The following RNF32 variants were observed in gnomAD, a reference collection of about 807,000 sequenced individuals.
RNF32 encodes ring finger protein 32.
Under a neutral mutation model 41.0 loss-of-function variants are expected in RNF32, and 36 were observed. That is an observed-to-expected ratio of 0.88 (90% CI 0.67 to 1.16). The LOEUF (loss-of-function observed/expected upper bound fraction) is 1.16, where lower values mean the gene tolerates loss of function less well. Among genes scored for constraint, RNF32 ranks in the 50% most tolerant of loss-of-function variants. The pLI, the probability that RNF32 is intolerant of heterozygous loss-of-function variation, is 0.00. For missense variants in RNF32, 413 were observed against 436.7 expected, an observed-to-expected ratio of 0.95 and a Z score of 0.48; for synonymous variants, 154 against 160.9, an observed-to-expected ratio of 0.96 and a Z score of 0.32.
rs963746803 is a variant in RNF32 at position 156,669,593 on chromosome 7, G to A, written c.685-6103G>A. ...ACCCCTGTGAGGCCCTGAGCTGGGC[G>A]CTGAGCAGATAGGTCATTTTCAAGA... On this transcript the variant is annotated intron_variant, in intron 7 of 8. Coordinates refer to ENST00000317955, the MANE Select transcript of RNF32 (RefSeq NM_030936.4). This position sits in a 1 kb window ranked among gnomAD's most constrained non-coding sequence, Gnocchi z 4.2. 9.2e-5 allele frequency among the ~76,000 whole-genome samples: 14 copies of A among 152,270 alleles called. No homozygotes were observed. Among genetic ancestry groups the A allele is most frequent in the Admixed American group, 2.0e-4 (3 of 15,298 alleles).
intron 1 of RNF32, 62 bp from the exon 2 acceptor site, chr7:156,643,739 A>C: frequency 1.3e-6 from 1 of 787,844 alleles, no homozygotes. Flanking sequence ...GAGCATCCTC[A>C]CAAACTTCAT....
At position 156,667,309 on chromosome 7, in the gene RNF32, C is replaced by CA. The variant is rs529379504; in HGVS notation, c.685-8386dup. Among the ~76,000 whole-genome samples, 280 of 152,336 alleles carry CA rather than the reference C, an allele frequency of 1.8e-3. 13 individuals carry two copies. The South Asian group carries it at 0.057, about 31-fold the overall frequency. ...CACTTAAAAAGCCCTCCTGAGTAGA[C>CA]AGAGTTCACCTGGGTGCTTTTGTTA... On this transcript the variant is annotated intron_variant, in intron 7 of 8. Transcript: ENST00000317955.
At chr7:156,650,256 T>A (rs1412162253) in intron 3 of RNF32, among the ~76,000 whole-genome samples, 3 of 152,140 alleles carry the variant, frequency 2.0e-5, no homozygotes, top group African/African-American at 7.2e-5. Flanking sequence ...AGCCCCAGGG[T>A]CAGTCCTCAA....
At chr7:156,651,000 C>T (rs78692676) in intron 3 of RNF32, among the ~76,000 whole-genome samples, 2,800 of 152,234 alleles carry the variant, frequency 0.018, 86 homozygotes, top group African/African-American at 0.065. Flanking sequence ...GGTCACAGCC[C>T]CATGCATCCT....
chr7:156,644,026 C>T, intron 2 of RNF32, 134 bp downstream of exon 2: 1 of 748,280 alleles, frequency 1.3e-6, no homozygotes, highest in South Asian at 1.7e-5. Context: ...TGGGCGATGC[C>T]AAGTGTCGCA....
chr7:156,652,953 T>C (rs1221159239), intron 3 of RNF32, among the ~76,000 whole-genome samples: 1 of 152,024 alleles, frequency 6.6e-6, no homozygotes, highest in Non-Finnish European at 1.5e-5. Context: ...GTTTAGAGAG[T>C]AAAAAAGTTA....
intron 7 of RNF32, chr7:156,659,776 T>C: frequency 1.5e-6 from 1 of 668,828 alleles, no homozygotes; most frequent in Non-Finnish European, 1.8e-6. Flanking sequence ...ATGTGCCTTG[T>C]GTTATCTTGT....
At chr7:156,661,679 C>T (rs1242463671) in intron 7 of RNF32, among the ~76,000 whole-genome samples, 2 of 152,178 alleles carry the variant, frequency 1.3e-5, no homozygotes, top group African/African-American at 4.8e-5. Context: ...TTAACAGAAA[C>T]GTAACTTTCG....
At chr7:156,674,865 A>C (rs1803457857) in intron 7 of RNF32, among the ~76,000 whole-genome samples, 1 of 152,224 alleles carries the variant, frequency 6.6e-6, no homozygotes, top group Non-Finnish European at 1.5e-5. Flanking sequence ...TATGGGACAG[A>C]GCTGATCCTG....
intron 7 of RNF32, among the ~76,000 whole-genome samples, chr7:156,665,248 C>A (rs2131575396): frequency 6.6e-6 from 1 of 152,314 alleles, no homozygotes; most frequent in Middle Eastern, 3.4e-3. Flanking sequence ...GAGTGAGAGA[C>A]TAGCTTTGTA....
chr7:156,641,320 G>A (rs951111854), intron 1 of RNF32, among the ~76,000 whole-genome samples: 1 of 152,158 alleles, frequency 6.6e-6, no homozygotes, highest in Admixed American at 6.5e-5. Flanking sequence ...AATTAGCTGA[G>A]GTTACTCGCT....
intron 8 of RNF32, chr7:156,676,190 A>G: frequency 7.5e-7 from 1 of 1,334,044 alleles, no homozygotes; most frequent in Non-Finnish European, 1.0e-6. Context: ...TGCTTATCAC[A>G]GGTGGGTTAC....
At chr7:156,673,586 C>T (rs182667115) in intron 7 of RNF32, among the ~76,000 whole-genome samples, 8 of 152,262 alleles carry the variant, frequency 5.3e-5, no homozygotes, top group East Asian at 1.9e-4. Context: ...CTTCCAAGTA[C>T]GGCTAATCCC....
intron 8 of RNF32, chr7:156,676,175 G>C (rs1803956210): frequency 4.1e-6 from 5 of 1,212,026 alleles, no homozygotes; most frequent in Non-Finnish European, 5.6e-6. Flanking sequence ...GTTCCTGTTG[G>C]ATGTTGCTTA....
Position 156,658,569 on chromosome 7 carries a change from A to C in RNF32, c.683A>C (p.Lys228Thr). The C allele has an allele frequency of 6.3e-7, 1 of 1,587,508 alleles. No individual in the cohort carries two copies. Among genetic ancestry groups the C allele is most frequent in the Non-Finnish European group, 8.7e-7 (1 of 1,155,764 alleles). The change falls in exon 7 of 9, where the codon AAG (lysine) becomes ACG (threonine). Residue 228 changes from lysine to threonine, a missense_variant and splice_region_variant. Coordinates refer to ENST00000317955, the MANE Select transcript of RNF32 (RefSeq NM_030936.4). The part of the protein sequence containing the change: ...AKLRKKFFEK[K>T]FTEISHRILC... The stretch of plus-strand genomic sequence containing the variant: ...TTAAGAAAAAAATTCTTTGAAAAAA[A>C]GGTAGGTAAAGATCATTATGTTCTC...
At chr7:156,641,883 G>A (rs1797380520) in intron 1 of RNF32, among the ~76,000 whole-genome samples, 1 of 152,172 alleles carries the variant, frequency 6.6e-6, no homozygotes, top group Non-Finnish European at 1.5e-5. Flanking sequence ...ATCTCTTGAT[G>A]CCAGAATTGA....
At chr7:156,668,333 G>T (rs1175256916) in intron 7 of RNF32, among the ~76,000 whole-genome samples, 3 of 152,190 alleles carry the variant, frequency 2.0e-5, no homozygotes, top group Admixed American at 6.5e-5. Flanking sequence ...AAATCTAACA[G>T]TGATTCACTG....
At chr7:156,671,026 C>T (rs1802368920) in intron 7 of RNF32, among the ~76,000 whole-genome samples, 1 of 152,074 alleles carries the variant, frequency 6.6e-6, no homozygotes, top group Admixed American at 6.5e-5. Flanking sequence ...ATGCTCAGAT[C>T]CTTGTATTGG....
At chr7:156,675,182 C>T (rs1235726596) in intron 7 of RNF32, among the ~76,000 whole-genome samples, 1 of 152,228 alleles carries the variant, frequency 6.6e-6, no homozygotes, top group Non-Finnish European at 1.5e-5. Flanking sequence ...CGCCTGAGCG[C>T]TTTCTATGCT....
Sources: gnomAD v4.1 joint callset for allele counts (sites outside exome capture counted in the v4.1 genomes callset) on GRCh38, gnomAD v4.1.1 for gene constraint, Gnocchi (gnomAD v3.1) non-coding constraint, MANE v1.5 for transcripts, NCBI Gene and HGNC (gene_info 2026-07-23, HGNC 2026-07-21) for gene names.